The following TENM3 variants were observed in gnomAD, a reference collection of about 807,000 sequenced individuals.
TENM3 encodes teneurin-3.
A neutral mutation model predicts 255.1 loss-of-function variants in TENM3; 63 were observed. The ratio of observed to expected loss-of-function variants is 0.25; its 90% confidence interval spans 0.20 to 0.30. The LOEUF (loss-of-function observed/expected upper bound fraction) is 0.30. TENM3 is among the 10% of genes least tolerant of loss of function. The pLI, the probability that TENM3 is intolerant of heterozygous loss-of-function variation, is 1.00. For missense variants in TENM3, 2,929 were observed against 3,461.1 expected (o/e 0.85, Z 3.86); for synonymous variants, 1,306 against 1,322.3 (o/e 0.99, Z 0.27).
At chr4:181,703,966 G>A in the TENM3 span, among the ~76,000 whole-genome samples, 1 of 152,088 alleles carries the variant, frequency 6.6e-6, no homozygotes, top group African/African-American at 2.4e-5. Context: ...CTTGTCCCAG[G>A]CATACTGTCC....
the TENM3 span, among the ~76,000 whole-genome samples, chr4:182,096,653 G>A: frequency 6.6e-6 from 1 of 152,114 alleles, no homozygotes; most frequent in Non-Finnish European, 1.5e-5. Flanking sequence ...ATGACTTGAC[G>A]ACTAAGCCAG....
the TENM3 span, among the ~76,000 whole-genome samples, chr4:181,769,478 T>C: frequency 2.6e-5 from 4 of 152,216 alleles, no homozygotes; most frequent in Admixed American, 2.6e-4. Flanking sequence ...CTCATTGGGT[T>C]AAATAATATA....
chr4:181,809,366 G>A, the TENM3 span, among the ~76,000 whole-genome samples: 8 of 152,216 alleles, frequency 5.3e-5, no homozygotes, highest in South Asian at 4.1e-4. Flanking sequence ...CATGAGTAAC[G>A]TCAAGTATAT....
chr4:182,239,139 C>T (rs779596710), upstream of TENM3, among the ~76,000 whole-genome samples: 6 of 151,036 alleles, frequency 4.0e-5, no homozygotes, highest in East Asian at 3.9e-4. Flanking sequence ...TGCAATGGCA[C>T]GATCTCGACT....
At chr4:182,386,913 CG>C (rs1767982048) in intron 3 of TENM3, among the ~76,000 whole-genome samples, 1 of 152,236 alleles carries the variant, frequency 6.6e-6, no homozygotes, top group Non-Finnish European at 1.5e-5. Flanking sequence ...TCCCATCGAC[CG>C]CCCAAGGGCT....
chr4:181,958,673 C>T, the TENM3 span, among the ~76,000 whole-genome samples: 6 of 152,092 alleles, frequency 3.9e-5, no homozygotes, highest in Non-Finnish European at 7.4e-5. Flanking sequence ...ATATACAGCC[C>T]TCCCATGTCC....
chr4:182,229,839 T>A (rs919560697), intron 1 of TENM3, among the ~76,000 whole-genome samples: 1 of 152,118 alleles, frequency 6.6e-6, no homozygotes, highest in Non-Finnish European at 1.5e-5. Flanking sequence ...TTGAATACAG[T>A]GTACATAACA....
chr4:182,614,995 C>A (rs958104609), intron 4 of TENM3, among the ~76,000 whole-genome samples: 2 of 125,546 alleles, frequency 1.6e-5, no homozygotes, highest in African/African-American at 3.0e-5. Flanking sequence ...TCAGCAGTTT[C>A]GAAGAAGAGT....
chr4:182,520,666 CAT>C (rs1190995260), intron 3 of TENM3, among the ~76,000 whole-genome samples: 6 of 152,272 alleles, frequency 3.9e-5, no homozygotes, highest in Admixed American at 1.3e-4. Flanking sequence ...TCAAAATAAA[CAT>C]AAACTTTTTT....
chr4:181,970,782 A>T, the TENM3 span, among the ~76,000 whole-genome samples: 1 of 152,328 alleles, frequency 6.6e-6, no homozygotes, highest in South Asian at 2.1e-4. Context: ...GACCAAAAGA[A>T]TAATTCTGGG....
At chr4:181,801,541 T>A in the TENM3 span, among the ~76,000 whole-genome samples, 3 of 151,728 alleles carry the variant, frequency 2.0e-5, no homozygotes, top group South Asian at 6.2e-4. Context: ...TTTATTAAAA[T>A]TCATATCTAT....
chr4:182,033,672 A>G, the TENM3 span, among the ~76,000 whole-genome samples: 1 of 152,044 alleles, frequency 6.6e-6, no homozygotes, highest in South Asian at 2.1e-4. Flanking sequence ...GGGAGTCTAT[A>G]TCTCTTTGCA....
the TENM3 span, among the ~76,000 whole-genome samples, chr4:182,104,054 G>A: frequency 6.6e-6 from 1 of 152,038 alleles, no homozygotes; most frequent in African/African-American, 2.4e-5. Flanking sequence ...TTGCACCAGC[G>A]AAGTGCTGGT....
chr4:181,545,045 C>T, the TENM3 span, among the ~76,000 whole-genome samples: 1 of 152,158 alleles, frequency 6.6e-6, no homozygotes, highest in African/African-American at 2.4e-5. Flanking sequence ...TTTGTCGGCA[C>T]ATTTTGATGA....
At chr4:181,865,417 G>C in the TENM3 span, among the ~76,000 whole-genome samples, 1 of 152,296 alleles carries the variant, frequency 6.6e-6, no homozygotes, top group East Asian at 1.9e-4. Context: ...GGGACAAAGG[G>C]ACAGAAGACA....
Position 182,580,267 on chromosome 4 carries a change from CTT to C in TENM3, c.512-20654_512-20653del, listed in dbSNP as rs1263400771. On this transcript the variant is annotated intron_variant, in intron 3 of 27. Transcript: ENST00000511685. ...TTTGGAAGTTTGGTTCTTTCCTTTTCTTTTGTCTTCCTCTGACTCTTTTCTGT... is the reference window on the plus strand; with the variant it reads ...TTTGGAAGTTTGGTTCTTTCCTTTTCTTGTCTTCCTCTGACTCTTTTCTGT... Among the ~76,000 whole-genome samples the C allele has an allele frequency of 2.0e-5, 3 of 152,136 alleles. No individual in the cohort carries two copies. In the East Asian group the frequency reaches 5.8e-4, roughly 29 times the overall value.
At chr4:181,694,946 A>G in the TENM3 span, among the ~76,000 whole-genome samples, 2 of 152,182 alleles carry the variant, frequency 1.3e-5, no homozygotes, top group Admixed American at 6.5e-5. Flanking sequence ...CTTCAAAGTC[A>G]GTATTTTCTC....
chr4:182,621,837 G>C (rs1331681977), intron 4 of TENM3, among the ~76,000 whole-genome samples: 2 of 124,304 alleles, frequency 1.6e-5, no homozygotes, highest in Non-Finnish European at 3.2e-5. Context: ...AGCCAGATGT[G>C]GTGGTGCACA....
At chr4:182,303,633 T>TGG (rs150418466) in intron 1 of TENM3, among the ~76,000 whole-genome samples, 1 of 151,650 alleles carries the variant, frequency 6.6e-6, no homozygotes, top group African/African-American at 2.4e-5. Flanking sequence ...ATGACCTTGG[T>TGG]GGGGGGGGTG....
Sources: allele counts gnomAD v4.1 joint callset (sites outside exome capture counted in the v4.1 genomes callset), GRCh38; gene constraint gnomAD v4.1.1; transcripts MANE v1.5; gene names NCBI Gene and HGNC (gene_info 2026-07-23, HGNC 2026-07-21).